Variants in LRRC8D observed in about 807,000 individuals in gnomAD.
LRRC8D encodes leucine rich repeat containing 8 VRAC subunit D, also known as volume-regulated anion channel subunit LRRC8D.
In LRRC8D, 20 loss-of-function variants were observed where a neutral mutation model predicts 55.8. That is an observed-to-expected ratio of 0.36 (90% CI 0.25 to 0.52). The LOEUF (loss-of-function observed/expected upper bound fraction) is 0.52, where lower values mean the gene tolerates loss of function less well. LRRC8D is among the 20% of genes least tolerant of loss of function. The probability of loss-of-function intolerance (pLI) is 0.93; values close to 1 mark genes in which losing one functional copy is unlikely to be tolerated. For missense variants in LRRC8D, 651 were observed against 1,030.8 expected, an observed-to-expected ratio of 0.63 and a Z score of 5.05; for synonymous variants, 352 against 377.0, an observed-to-expected ratio of 0.93 and a Z score of 0.77.
rs1662689078 is a variant in LRRC8D, at chr1:89,895,673, A to G, written c.-2-37394A>G. Among the ~76,000 whole-genome samples the G allele has an allele frequency of 3.3e-5, 5 of 152,086 alleles. No homozygotes were observed. The South Asian group carries it at 8.3e-4, about 25-fold the overall frequency. ...ATTTTAGGCAACAATTGAACTTCTG[A>G]AAAGTTGATGAGACGTTGAACTTCT... On this transcript the variant is annotated intron_variant, in intron 2 of 2. Transcript: ENST00000337338.
At chr1:89,905,369 A>G (rs979961287) in intron 2 of LRRC8D, among the ~76,000 whole-genome samples, 1 of 152,228 alleles carries the variant, frequency 6.6e-6, no homozygotes, top group Admixed American at 6.5e-5. Context: ...GGGATGGAAT[A>G]TGGTCAAATA....
At chr1:89,884,932 G>A (rs771111723) in intron 2 of LRRC8D, among the ~76,000 whole-genome samples, 3 of 151,990 alleles carry the variant, frequency 2.0e-5, no homozygotes, top group Non-Finnish European at 4.4e-5. Context: ...TTCTACCTCA[G>A]TCCCACTGAT....
At chr1:89,841,824 C>CT (rs1286510786) in intron 1 of LRRC8D, among the ~76,000 whole-genome samples, 1 of 152,176 alleles carries the variant, frequency 6.6e-6, no homozygotes. Context: ...AAGAAACTGC[C>CT]TACCACAACA....
Position 89,823,618 on chromosome 1 carries a change from T to C in LRRC8D, c.-148+2327T>C, listed in dbSNP as rs560965488. The stretch of plus-strand genomic sequence containing the variant: ...TGTAAGAGATTTCAGTTATTTTTAA[T>C]TGGAGCTGGTGTTTGACATTCTAAG... On this transcript the variant is annotated intron_variant, in intron 1 of 2. Transcript: ENST00000337338. Among the ~76,000 whole-genome samples, 5 of 152,324 alleles carry C rather than the reference T, an allele frequency of 3.3e-5. No homozygotes were observed. The East Asian group carries it at 9.6e-4, about 29-fold the overall frequency.
chr1:89,880,592 G>A (rs989313276), intron 2 of LRRC8D, among the ~76,000 whole-genome samples: 2 of 151,866 alleles, frequency 1.3e-5, no homozygotes, highest in Admixed American at 6.6e-5. Flanking sequence ...TGCCTTATGT[G>A]TATATAGGAA....
rs182953524 is a variant in LRRC8D, at chr1:89,884,523, C to T, written c.-3+40741C>T. The stretch of plus-strand genomic sequence containing the variant: ...CATTTATTTAGGTAAGGATTTATGG[C>T]GAAGAGCAGGTTCCTTCTGTTTTTT... On this transcript the variant is annotated intron_variant, in intron 2 of 2. Coordinates refer to ENST00000337338, the MANE Select transcript of LRRC8D (RefSeq NM_001134479.2). 5.9e-5 allele frequency among the ~76,000 whole-genome samples: 9 copies of T among 152,234 alleles called. No individual in the cohort carries two copies. The South Asian group carries it at 8.3e-4, about 14-fold the overall frequency.
At position 89,935,589 on chromosome 1, in the gene LRRC8D, G is replaced by A. The variant is rs1663830631; in HGVS notation, c.2521G>A (p.Glu841Lys). The A allele has an allele frequency of 1.9e-6, 3 of 1,614,120 alleles. No individual in the cohort carries two copies. Among genetic ancestry groups the A allele is most frequent in the African/African-American group, 1.3e-5 (1 of 75,062 alleles). The change falls in exon 3 of 3, where the codon GAA becomes AAA. Residue 841 changes from glutamate (E) to lysine (K), a missense_variant. By Grantham distance (56) the Glu-to-Lys change is moderately conservative. This residue lies in a region of LRRC8D where 338 missense variants were observed against 479.4 expected (regional missense o/e 0.71). Coordinates refer to ENST00000337338, the MANE Select transcript of LRRC8D (RefSeq NM_001134479.2). ...TCACCTTTTTGATACCCTGCCACTC[G>A]AAGTCAAAGAGGCATTGAATCAAGA... Reference protein sequence around the residue: ...EDHLFDTLPLEVKEALNQDIN... With the variant: ...EDHLFDTLPLKVKEALNQDIN...
chr1:89,931,141 A>G (rs1380568042), intron 2 of LRRC8D, among the ~76,000 whole-genome samples: 1 of 150,930 alleles, frequency 6.6e-6, no homozygotes, highest in Middle Eastern at 3.2e-3. Flanking sequence ...TACATAAGAG[A>G]TAATTTTGCT....
chr1:89,840,045 A>G (rs1007870461), intron 1 of LRRC8D, among the ~76,000 whole-genome samples: 1 of 152,218 alleles, frequency 6.6e-6, no homozygotes, highest in Non-Finnish European at 1.5e-5. Flanking sequence ...TGGCTTTCAC[A>G]GTGTTGGTCT....
At chr1:89,895,555 G>GT (rs1359838335) in intron 2 of LRRC8D, among the ~76,000 whole-genome samples, 1 of 151,786 alleles carries the variant, frequency 6.6e-6, no homozygotes, top group Non-Finnish European at 1.5e-5. Flanking sequence ...TGTACTGTTT[G>GT]TTTTTTTACT....
intron 2 of LRRC8D, among the ~76,000 whole-genome samples, chr1:89,876,111 AGCTCTTTCCTGC>A (rs1034742607): frequency 4.6e-5 from 7 of 151,834 alleles, no homozygotes; most frequent in African/African-American, 1.7e-4. Flanking sequence ...ATCCACTCAG[AGCTCTTTCCTGC>A]TGGACCCGTT....
intron 2 of LRRC8D, among the ~76,000 whole-genome samples, chr1:89,898,460 T>C (rs565901433): frequency 1.9e-4 from 29 of 152,200 alleles, no homozygotes; most frequent in Non-Finnish European, 3.4e-4. Context: ...GATCAGGACA[T>C]TGAAGCTCAG....
chr1:89,838,398 G>A (rs1028428822), intron 1 of LRRC8D, among the ~76,000 whole-genome samples: 1 of 151,980 alleles, frequency 6.6e-6, no homozygotes, highest in African/African-American at 2.4e-5. Context: ...AGATAAATAA[G>A]ATTGCCCAAA....
At chr1:89,929,082 A>G (rs1190975928) in intron 2 of LRRC8D, among the ~76,000 whole-genome samples, 3 of 152,256 alleles carry the variant, frequency 2.0e-5, no homozygotes, top group Admixed American at 6.5e-5. Context: ...CATTGGATAC[A>G]TAGGACAAAG....
chr1:89,892,022 T>C (rs188783318), intron 2 of LRRC8D, among the ~76,000 whole-genome samples: 8 of 152,360 alleles, frequency 5.3e-5, no homozygotes, highest in Admixed American at 4.6e-4. Context: ...GAAACTGTTA[T>C]TGAATGAAAT....
chr1:89,897,596 T>G (rs1054656231), intron 2 of LRRC8D, among the ~76,000 whole-genome samples: 4 of 152,344 alleles, frequency 2.6e-5, no homozygotes, highest in African/African-American at 9.6e-5. Context: ...ACGCAGGACC[T>G]AGGAGGACAC....
At chr1:89,925,369 G>A (rs1312589677) in intron 2 of LRRC8D, among the ~76,000 whole-genome samples, 2 of 152,112 alleles carry the variant, frequency 1.3e-5, no homozygotes, top group Non-Finnish European at 2.9e-5. Context: ...ATATATTACA[G>A]TGTAATAATA....
rs570769515 is a variant in LRRC8D, at chr1:89,915,968, CA to C, written c.-2-17093del. Among the ~76,000 whole-genome samples the C allele has an allele frequency of 2.5e-3, 384 of 152,220 alleles. 1 individual carries two copies. The highest frequency in any genetic ancestry group is 9.0e-3 in the African/African-American group (372 of 41,538). On this transcript the variant is annotated intron_variant, in intron 2 of 2. Transcript: ENST00000337338. ...AAAGCATGTTCTCACATGAAGTTCA[CA>C]AAAAAGTCTCACAAAAAAAGAGAGA...
intron 2 of LRRC8D, among the ~76,000 whole-genome samples, chr1:89,847,601 G>A (rs1212902042): frequency 6.6e-6 from 1 of 152,130 alleles, no homozygotes; most frequent in Non-Finnish European, 1.5e-5. Flanking sequence ...TAGGAGTGGA[G>A]ATAAATGCAA....
Sources: allele counts gnomAD v4.1 joint callset (sites outside exome capture counted in the v4.1 genomes callset), GRCh38; gene constraint gnomAD v4.1.1; regional missense constraint gnomAD v4.1.1; transcripts MANE v1.5; gene names NCBI Gene and HGNC (gene_info 2026-07-23, HGNC 2026-07-21).